Variants in DIAPH2 observed in about 807,000 individuals in gnomAD.
The protein encoded by DIAPH2 is protein diaphanous homolog 2.
A neutral mutation model predicts 92.7 loss-of-function variants in DIAPH2; 35 were observed. That is an observed-to-expected ratio of 0.38 (90% CI 0.29 to 0.50). DIAPH2 has a LOEUF of 0.50. Among genes scored for constraint, DIAPH2 ranks in the 20% least tolerant of loss-of-function variants. DIAPH2 has a pLI of 0.94. For synonymous variants in DIAPH2, 301 were observed against 280.4 expected (o/e 1.07, Z -0.73); for missense variants, 701 against 819.5 (o/e 0.86, Z 1.77).
At chrX:97,395,300 C>A (rs765526514) in intron 25 of DIAPH2, among the ~76,000 whole-genome samples, 1 of 111,315 alleles carries the variant, frequency 9.0e-6, no homozygotes, top group Non-Finnish European at 1.9e-5. Flanking sequence ...ACTCTTTGTA[C>A]AACTCTCCTC....
intron 26 of DIAPH2, among the ~76,000 whole-genome samples, chrX:97,593,403 AG>A (rs2071529837): frequency 9.0e-6 from 1 of 111,381 alleles, no homozygotes; most frequent in Non-Finnish European, 1.9e-5. Context: ...AAGAAAAAAA[AG>A]AAACAAACTG....
chrX:97,497,876 A>G (rs767579375), intron 26 of DIAPH2, among the ~76,000 whole-genome samples: 1 of 111,091 alleles, frequency 9.0e-6, no homozygotes, highest in Admixed American at 9.7e-5. Context: ...CTCTCTCTAT[A>G]TGTATATATA....
intron 26 of DIAPH2, among the ~76,000 whole-genome samples, chrX:97,434,326 T>C (rs952850087): frequency 9.0e-6 from 1 of 110,824 alleles, no homozygotes; most frequent in Non-Finnish European, 1.9e-5. Context: ...AGAGATAATT[T>C]AGCGTGAGAG....
chrX:96,829,443 A>G (rs185887840), intron 4 of DIAPH2, among the ~76,000 whole-genome samples: 294 of 56,872 alleles, frequency 5.2e-3, no homozygotes, highest in African/African-American at 0.037. Flanking sequence ...ATATATATGT[A>G]TATATATATA....
chrX:97,217,666 G>T (rs1347166135), intron 22 of DIAPH2, among the ~76,000 whole-genome samples: 3 of 112,338 alleles, frequency 2.7e-5, no homozygotes, highest in Non-Finnish European at 5.6e-5. Flanking sequence ...GAAATTTAAA[G>T]GCCGGGCGTG....
At chrX:97,468,006 G>T (rs2070528946) in intron 26 of DIAPH2, among the ~76,000 whole-genome samples, 1 of 111,730 alleles carries the variant, frequency 9.0e-6, no homozygotes, top group African/African-American at 3.3e-5. Flanking sequence ...ATGTGTGAAG[G>T]CTCCCAGGCT....
chrX:97,201,257 TCTC>T (rs1427685580), intron 22 of DIAPH2, among the ~76,000 whole-genome samples: 1 of 106,153 alleles, frequency 9.4e-6, no homozygotes, highest in Non-Finnish European at 1.9e-5. Flanking sequence ...GAATGCCTCT[TCTC>T]CTCCAAATGA....
At chrX:97,510,691 G>A (rs1377027409) in intron 26 of DIAPH2, among the ~76,000 whole-genome samples, 2 of 98,847 alleles carry the variant, frequency 2.0e-5, no homozygotes, top group African/African-American at 7.3e-5. Context: ...TTTGTTTAAG[G>A]TGTAAGGAAG....
chrX:97,255,036 C>A (rs1390051065), intron 23 of DIAPH2, among the ~76,000 whole-genome samples: 1 of 111,468 alleles, frequency 9.0e-6, no homozygotes, highest in Non-Finnish European at 1.9e-5. Context: ...AAAATTGAGG[C>A]TATAGAGGTT....
chrX:96,913,164 T>A (rs1366841165), intron 7 of DIAPH2, among the ~76,000 whole-genome samples: 1 of 111,045 alleles, frequency 9.0e-6, no homozygotes, highest in African/African-American at 3.3e-5. Flanking sequence ...TCTATGCTGC[T>A]AATTTCCTCA....
At chrX:96,956,512 C>T (rs894530078) in intron 15 of DIAPH2, among the ~76,000 whole-genome samples, 6 of 112,130 alleles carry the variant, frequency 5.4e-5, no homozygotes, top group Non-Finnish European at 1.1e-4. Flanking sequence ...TTCTTTACTA[C>T]TGCATTGTCA....
At chrX:97,113,870 G>A (rs776088926) in intron 20 of DIAPH2, among the ~76,000 whole-genome samples, 5 of 111,465 alleles carry the variant, frequency 4.5e-5, no homozygotes, top group Admixed American at 1.9e-4. Context: ...GTCTGTGTGC[G>A]TTCATGTGTG....
intron 26 of DIAPH2, among the ~76,000 whole-genome samples, chrX:97,460,533 G>A (rs1375159877): frequency 9.8e-5 from 11 of 112,088 alleles, no homozygotes; most frequent in Non-Finnish European, 1.3e-4. Flanking sequence ...ATTTCTAGGC[G>A]AAGGCAGATG....
intron 17 of DIAPH2, among the ~76,000 whole-genome samples, chrX:96,996,239 T>C (rs1277428243): frequency 8.9e-6 from 1 of 112,091 alleles, no homozygotes; most frequent in African/African-American, 3.2e-5. Context: ...TAAATTACTT[T>C]TGTCACACAG....
intron 19 of DIAPH2, among the ~76,000 whole-genome samples, chrX:97,098,883 T>C (rs919059290): frequency 8.9e-6 from 1 of 112,722 alleles, no homozygotes; most frequent in Non-Finnish European, 1.9e-5. Flanking sequence ...TTCATAAGAA[T>C]CATCAAATTT....
intron 5 of DIAPH2, among the ~76,000 whole-genome samples, chrX:96,898,117 G>T (rs2065360660): frequency 1.1e-5 from 1 of 94,778 alleles, no homozygotes; most frequent in Admixed American, 1.2e-4. Context: ...TCTTAATCCA[G>T]TCTATCATTG....
In DIAPH2 at chrX:96,892,025, A is replaced by G. The variant is rs368568172; in HGVS notation, c.587+10307A>G. 9.8e-5 allele frequency among the ~76,000 whole-genome samples: 11 copies of G among 112,608 alleles called. No individual in the cohort carries two copies. The East Asian group carries it at 3.0e-3, about 31-fold the overall frequency. On this transcript the variant is annotated intron_variant, in intron 5 of 26. Transcript: ENST00000324765. ...TACAAATGTGCATTTTAACATAATC[A>G]TAATGAAAATAGATGGATCTTGACA...
At chrX:97,464,277 C>T (rs901422558) in intron 26 of DIAPH2, among the ~76,000 whole-genome samples, 7 of 78,914 alleles carry the variant, frequency 8.9e-5, no homozygotes, top group East Asian at 9.1e-4. Context: ...CTGGCTAACA[C>T]GGTGAAACCC....
chrX:96,865,109 G>A (rs980168413), intron 4 of DIAPH2, among the ~76,000 whole-genome samples: 3 of 111,915 alleles, frequency 2.7e-5, no homozygotes, highest in Non-Finnish European at 5.6e-5. Context: ...AGTGAAGAGG[G>A]ACAGATAGTC....
Sources: allele counts gnomAD v4.1 joint callset (sites outside exome capture counted in the v4.1 genomes callset), GRCh38; gene constraint gnomAD v4.1.1; transcripts MANE v1.5; gene names NCBI Gene and HGNC (gene_info 2026-07-23, HGNC 2026-07-21).